NEGR1: variants seen among roughly 807,000 people sequenced by gnomAD.
NEGR1 encodes neuronal growth regulator 1.
Under a neutral mutation model 40.9 loss-of-function variants are expected in NEGR1, and 10 were observed. That is an observed-to-expected ratio of 0.24 (90% CI 0.15 to 0.42). The LOEUF (loss-of-function observed/expected upper bound fraction) is 0.42, where lower values mean the gene tolerates loss of function less well. Ranked by LOEUF, NEGR1 falls within the 10% of genes least tolerant of loss-of-function variation. The probability of loss-of-function intolerance (pLI) is 1.00; values close to 1 mark genes in which losing one functional copy is unlikely to be tolerated. For missense variants in NEGR1, 352 were observed against 438.9 expected (o/e 0.80, Z 1.77); for synonymous variants, 185 against 166.8 (o/e 1.11, Z -0.84).
intron 1 of NEGR1, among the ~76,000 whole-genome samples, chr1:71,941,386 C>T (rs1645958013): frequency 6.6e-6 from 1 of 151,902 alleles, no homozygotes; most frequent in Admixed American, 6.6e-5. Context: ...GAGTTGATTC[C>T]TAGATAATAT....
intron 1 of NEGR1, among the ~76,000 whole-genome samples, chr1:72,045,139 T>C (rs1248420116): frequency 2.0e-5 from 3 of 151,844 alleles, no homozygotes; most frequent in South Asian, 4.1e-4. Context: ...TTTGCAAGAT[T>C]AAAATCTCTG....
intron 6 of NEGR1, among the ~76,000 whole-genome samples, chr1:71,465,524 T>C (rs1454310433): frequency 6.6e-6 from 1 of 151,976 alleles, no homozygotes; most frequent in African/African-American, 2.4e-5. Context: ...AGAATAACAA[T>C]CTTTTGAAAA....
intron 3 of NEGR1, among the ~76,000 whole-genome samples, chr1:71,708,665 G>A (rs1653982005): frequency 6.6e-6 from 1 of 151,994 alleles, no homozygotes; most frequent in Admixed American, 6.6e-5. Context: ...AGGTAAACAT[G>A]TATCATGGTA....
intron 1 of NEGR1, among the ~76,000 whole-genome samples, chr1:72,181,047 C>A (rs114140316): frequency 0.013 from 1,968 of 151,982 alleles, 43 homozygotes; most frequent in African/African-American, 0.045. Flanking sequence ...GTTCTTGAGA[C>A]GAAGCAATAA....
At chr1:71,496,439 G>A (rs1048531280) in intron 6 of NEGR1, among the ~76,000 whole-genome samples, 2 of 152,118 alleles carry the variant, frequency 1.3e-5, no homozygotes, top group African/African-American at 4.8e-5. Flanking sequence ...AAAAAAAGGG[G>A]ATAGAAAGAA....
intron 1 of NEGR1, among the ~76,000 whole-genome samples, chr1:71,966,729 C>T (rs1646212640): frequency 6.6e-6 from 1 of 152,138 alleles, no homozygotes; most frequent in African/African-American, 2.4e-5. Context: ...ATGCCTCAAT[C>T]ACATCAGCAG....
At chr1:71,640,596 C>T (rs1399247829) in intron 4 of NEGR1, among the ~76,000 whole-genome samples, 1 of 151,916 alleles carries the variant, frequency 6.6e-6, no homozygotes, top group Non-Finnish European at 1.5e-5. Context: ...AAGACAGTCA[C>T]TTGAAAAATA....
At position 72,160,072 on chromosome 1, in the gene NEGR1, T is replaced by A. The variant is rs945048259; in HGVS notation, c.176+122247A>T. ...GGGTTTTTAGCAAATAACCAAAGTT[T>A]CTGCAAGCAATATCTCACTTTCCTC... On this transcript the variant is annotated intron_variant, in intron 1 of 6. Coordinates refer to ENST00000357731, the MANE Select transcript of NEGR1 (RefSeq NM_173808.3). 3.3e-5 allele frequency among the ~76,000 whole-genome samples: 5 copies of A among 152,174 alleles called. No individual in the cohort carries two copies. The South Asian group carries it at 8.3e-4, about 25-fold the overall frequency.
chr1:71,846,381 ACC>A (rs1419126108), intron 2 of NEGR1, among the ~76,000 whole-genome samples: 20 of 26,072 alleles, frequency 7.7e-4, no homozygotes, highest in South Asian at 2.1e-3. Flanking sequence ...CCACCCACCC[ACC>A]CACACACACA....
intron 1 of NEGR1, among the ~76,000 whole-genome samples, chr1:71,949,693 A>C (rs1279580458): frequency 2.0e-5 from 3 of 152,100 alleles, no homozygotes; most frequent in African/African-American, 7.2e-5. Context: ...ATTGAAGCAC[A>C]CACAGCAATC....
intron 3 of NEGR1, among the ~76,000 whole-genome samples, chr1:71,741,430 C>T (rs1175177877): frequency 6.6e-6 from 1 of 152,112 alleles, no homozygotes; most frequent in Non-Finnish European, 1.5e-5. Context: ...TCTCCCATTC[C>T]TTTGTTTAAT....
chr1:72,078,126 T>A (rs992916060), intron 1 of NEGR1, among the ~76,000 whole-genome samples: 2 of 152,168 alleles, frequency 1.3e-5, no homozygotes, highest in African/African-American at 4.8e-5. Context: ...TGGTTTTTCA[T>A]CCATAATCAA....
At chr1:72,253,575 G>A (rs1655172287) in intron 1 of NEGR1, among the ~76,000 whole-genome samples, 1 of 152,124 alleles carries the variant, frequency 6.6e-6, no homozygotes, top group Non-Finnish European at 1.5e-5. Context: ...AGGAAAATAA[G>A]CTAGGAATAA....
intron 2 of NEGR1, among the ~76,000 whole-genome samples, chr1:71,873,118 C>CAAAAAA (rs34592789): frequency 4.9e-5 from 4 of 81,828 alleles, no homozygotes; most frequent in Non-Finnish European, 9.6e-5. Context: ...AAAGATGTAG[C>CAAAAAA]AAAAAAAAAA....
chr1:71,656,259 G>A (rs1182555882), intron 4 of NEGR1, among the ~76,000 whole-genome samples: 1 of 152,068 alleles, frequency 6.6e-6, no homozygotes, highest in Admixed American at 6.6e-5. Flanking sequence ...AGAATTTTCC[G>A]TTAGAAGGAA....
chr1:72,074,121 T>C (rs562327813), intron 1 of NEGR1, among the ~76,000 whole-genome samples: 3 of 152,210 alleles, frequency 2.0e-5, no homozygotes, highest in Non-Finnish European at 4.4e-5. Flanking sequence ...TTTCCTTTCA[T>C]GGTGATACAT....
intron 4 of NEGR1, among the ~76,000 whole-genome samples, chr1:71,654,263 T>A: frequency 6.6e-6 from 1 of 152,182 alleles, no homozygotes; most frequent in African/African-American, 2.4e-5. Flanking sequence ...TGTATCATAC[T>A]GTAATGATAT....
chr1:72,170,726 G>C (rs974831329), intron 1 of NEGR1, among the ~76,000 whole-genome samples: 8 of 152,136 alleles, frequency 5.3e-5, no homozygotes, highest in Admixed American at 2.6e-4. Context: ...GATATCAGAG[G>C]CTAACATTTC....
chr1:71,803,370 A>C (rs953579838), intron 2 of NEGR1, among the ~76,000 whole-genome samples: 2 of 152,180 alleles, frequency 1.3e-5, no homozygotes, highest in African/African-American at 4.8e-5. Flanking sequence ...TCTTTAGTTA[A>C]GTCACTCAGT....
Sources: gnomAD v4.1 joint callset for allele counts (sites outside exome capture counted in the v4.1 genomes callset) on GRCh38, gnomAD v4.1.1 for gene constraint, MANE v1.5 for transcripts, NCBI Gene and HGNC (gene_info 2026-07-23, HGNC 2026-07-21) for gene names.